The following TAOK1 variants were observed in gnomAD, a reference collection of about 807,000 sequenced individuals.
The protein encoded by TAOK1 is serine/threonine-protein kinase TAO1.
Under a neutral mutation model 138.3 loss-of-function variants are expected in TAOK1, and 21 were observed. The observed-to-expected ratio is 0.15, with a 90% CI of 0.11 to 0.22. The LOEUF is 0.22. Among genes scored for constraint, TAOK1 ranks in the 10% least tolerant of loss-of-function variants. TAOK1 has a pLI of 1.00. For synonymous variants in TAOK1, 361 were observed against 398.4 expected, an observed-to-expected ratio of 0.91 and a Z score of 1.12; for missense variants, 651 against 1,227.7, an observed-to-expected ratio of 0.53 and a Z score of 7.02.
intron 1 of TAOK1, among the ~76,000 whole-genome samples, chr17:29,427,662 C>CA (rs1905686781): frequency 6.6e-6 from 1 of 151,832 alleles, no homozygotes; most frequent in Non-Finnish European, 1.5e-5. Flanking sequence ...CGTAGTGGCT[C>CA]ACGCCTGTAA....
In TAOK1 at chr17:29,526,898, G is replaced by A. The variant is rs576812795; in HGVS notation, c.2149-3509G>A. Among the ~76,000 whole-genome samples the A allele has an allele frequency of 6.7e-5, 10 of 150,224 alleles. 1 individual carries two copies. In the South Asian group the frequency reaches 1.3e-3, roughly 19 times the overall value. ...AATCCCAGCACTTTGGGAGGTTGACGTGGGCAGATCACAAGGTCAGGAGAT... is the reference window on the plus strand; with the variant it reads ...AATCCCAGCACTTTGGGAGGTTGACATGGGCAGATCACAAGGTCAGGAGAT... On this transcript the variant is annotated intron_variant, in intron 17 of 19. Coordinates refer to ENST00000261716, the MANE Select transcript of TAOK1 (RefSeq NM_020791.4).
At chr17:29,521,547 A>C (rs1378556372) in intron 16 of TAOK1, among the ~76,000 whole-genome samples, 1 of 152,218 alleles carries the variant, frequency 6.6e-6, no homozygotes, top group Non-Finnish European at 1.5e-5. Flanking sequence ...TAGCAGAGCC[A>C]GAATTTAGAA....
intron 18 of TAOK1, 101 bp from the exon 19 acceptor site, chr17:29,534,017 G>C: frequency 7.9e-7 from 1 of 1,263,182 alleles, no homozygotes; most frequent in Non-Finnish European, 1.0e-6. Flanking sequence ...CTAAAAAAGA[G>C]TAGTCTGTCT....
intron 13 of TAOK1, among the ~76,000 whole-genome samples, chr17:29,506,470 A>G (rs1406268004): frequency 1.3e-5 from 2 of 152,182 alleles, no homozygotes; most frequent in Non-Finnish European, 2.9e-5. Context: ...GAATTTAGGG[A>G]GAGAGAGAAA....
chr17:29,510,747 G>A (rs1382080659), intron 14 of TAOK1, 117 bp from the exon 15 acceptor site: 6 of 731,854 alleles, frequency 8.2e-6, no homozygotes, highest in Non-Finnish European at 1.2e-5. Flanking sequence ...TTTTATTTTG[G>A]TAATGTTTCT....
At chr17:29,459,872 G>A (rs937660843) in intron 2 of TAOK1, among the ~76,000 whole-genome samples, 2 of 152,284 alleles carry the variant, frequency 1.3e-5, no homozygotes, top group Admixed American at 6.5e-5. Flanking sequence ...TCCCAACAGT[G>A]TACAGGGGTT....
At chr17:29,529,799 G>A (rs868253804) in intron 17 of TAOK1, among the ~76,000 whole-genome samples, 5 of 151,938 alleles carry the variant, frequency 3.3e-5, no homozygotes, top group African/African-American at 4.8e-5. Flanking sequence ...TCAGGGAGGC[G>A]GCGGTTGCAG....
intron 3 of TAOK1, among the ~76,000 whole-genome samples, chr17:29,471,593 T>TA (rs1216849805): frequency 6.6e-6 from 1 of 151,900 alleles, no homozygotes; most frequent in African/African-American, 2.4e-5. Flanking sequence ...ATTTTATTTC[T>TA]AAAAAAAAGT....
chr17:29,474,160 G>A (rs1237751081), intron 3 of TAOK1, among the ~76,000 whole-genome samples: 1 of 152,198 alleles, frequency 6.6e-6, no homozygotes, highest in Non-Finnish European at 1.5e-5. Flanking sequence ...GTTAAAGAGA[G>A]TTAGGGCCAT....
At chr17:29,530,962 A>ATTTTTTTTTTTTTT (rs66788063) in intron 18 of TAOK1, among the ~76,000 whole-genome samples, 2,401 of 95,986 alleles carry the variant, frequency 0.025, 470 homozygotes, top group African/African-American at 0.094. Flanking sequence ...ACAAGTACAA[A>ATTTTTTTTTTTTTT]TTTTTTTTTT....
In TAOK1 at chr17:29,544,155, C is replaced by T. The variant is rs1240965087; in HGVS notation, c.*1133C>T. ...CACTACATAGACATAATTGTTATCT[C>T]CTTTTGGCTTATGTGATTTTCTGTT... On this transcript the variant is annotated 3_prime_UTR_variant, in exon 20 of 20. Coordinates refer to ENST00000261716, the MANE Select transcript of TAOK1 (RefSeq NM_020791.4). 6.6e-6 allele frequency: 1 copy of T among 152,572 alleles called. No homozygotes were observed. Among genetic ancestry groups the T allele is most frequent in the Non-Finnish European group, 1.5e-5 (1 of 68,024 alleles). The allele number at this position is 152,572 out of a possible 1,614,324, so 9.5% of individuals were successfully genotyped here.
chr17:29,484,591 T>C (rs1242564964), intron 8 of TAOK1, among the ~76,000 whole-genome samples: 1 of 152,118 alleles, frequency 6.6e-6, no homozygotes, highest in East Asian at 1.9e-4. Flanking sequence ...TTCGTTTTTT[T>C]TCTTTTCTTT....
intron 18 of TAOK1, among the ~76,000 whole-genome samples, chr17:29,532,869 C>A (rs1442852595): frequency 7.3e-5 from 11 of 151,622 alleles, no homozygotes; most frequent in Admixed American, 1.3e-4. Flanking sequence ...GGTACACCTC[C>A]CAGACGGGGT....
intron 1 of TAOK1, among the ~76,000 whole-genome samples, chr17:29,398,687 G>A (rs1243679756): frequency 1.3e-5 from 2 of 151,654 alleles, no homozygotes; most frequent in Non-Finnish European, 2.9e-5. Context: ...GTGCCACCAT[G>A]CCTGGCTAAT....
intron 1 of TAOK1, among the ~76,000 whole-genome samples, chr17:29,427,925 C>CAA (rs34918500): frequency 8.7e-6 from 1 of 115,012 alleles, no homozygotes. Flanking sequence ...GACTCTGTCT[C>CAA]AAAAAAAAAA....
chr17:29,472,908 A>G (rs571819200), intron 3 of TAOK1, among the ~76,000 whole-genome samples: 3 of 152,332 alleles, frequency 2.0e-5, no homozygotes, highest in South Asian at 4.1e-4. Flanking sequence ...TTGGAACTCA[A>G]AATTATTCCT....
chr17:29,489,637 A>G (rs774861037), intron 8 of TAOK1, 27 bp from the exon 9 acceptor site: 11 of 1,542,270 alleles, frequency 7.1e-6, no homozygotes, highest in Non-Finnish European at 9.7e-6. Context: ...AACCTATTTT[A>G]ACAGGAATGT....
At position 29,478,677 on chromosome 17, in the gene TAOK1, C is replaced by T. The variant is rs138164670; in HGVS notation, c.449+330C>T. On this transcript the variant is annotated intron_variant, in intron 6 of 19. Transcript: ENST00000261716. Reference sequence around the variant, plus strand: ...ATACAGTTTTTCTTTCTCATTTTACCGGTAAAATCACTGATGTCTCAATTT... The same window carrying T: ...ATACAGTTTTTCTTTCTCATTTTACTGGTAAAATCACTGATGTCTCAATTT... Among the ~76,000 whole-genome samples, 177 of 152,134 alleles carry T rather than the reference C, an allele frequency of 1.2e-3. 1 individual carries two copies. Among genetic ancestry groups the T allele is most frequent in the African/African-American group, 3.9e-3 (160 of 41,490 alleles).
chr17:29,493,261 G>A (rs2153027778), intron 10 of TAOK1, among the ~76,000 whole-genome samples: 1 of 152,096 alleles, frequency 6.6e-6, no homozygotes, highest in East Asian at 1.9e-4. Flanking sequence ...TTGGGAGGCC[G>A]AGGCGGGTGG....
Sources: gnomAD v4.1 joint callset for allele counts (sites outside exome capture counted in the v4.1 genomes callset) on GRCh38, gnomAD v4.1.1 for gene constraint, MANE v1.5 for transcripts, NCBI Gene and HGNC (gene_info 2026-07-23, HGNC 2026-07-21) for gene names.